The following MUC17 variants were observed in gnomAD, a reference collection of about 807,000 sequenced individuals.
The protein encoded by MUC17 is mucin 17, cell surface associated.
In MUC17, 190 loss-of-function variants were observed where a neutral mutation model predicts 170.3. The observed-to-expected ratio is 1.12, with a 90% CI of 0.99 to 1.26. The LOEUF is 1.26. Ranked by LOEUF, MUC17 falls within the 50% of genes most tolerant of loss-of-function variation. The pLI is 0.00. For synonymous variants in MUC17, 2,325 were observed against 2,002.5 expected (o/e 1.16, Z -4.30); for missense variants, 6,415 against 5,530.0 (o/e 1.16, Z -5.08).
At chr7:101,053,491 G>A in intron 11 of MUC17, 55 bp downstream of exon 11, 1 of 1,416,786 alleles carries the variant, frequency 7.1e-7, no homozygotes, top group African/African-American at 1.4e-5. Flanking sequence ...AACAGGCTGG[G>A]TGCGGTGGGC....
chr7:101,033,792 AG>A lies in MUC17; in HGVS notation c.2378del (p.Gly793ValfsTer16). ...CCAGTTGCTCTCCTACAACCACTGA[AG>A]GTACCAGCATGCCAATCTCAACTCC... ...EASCSPTTTE[G>X]TSMPISTPSE... On this transcript the variant is annotated frameshift_variant, in exon 3 of 13. Coordinates refer to ENST00000306151, the MANE Select transcript of MUC17 (RefSeq NM_001040105.2). LOFTEE classifies it high-confidence loss of function. The A allele has an allele frequency of 6.2e-7, 1 of 1,613,862 alleles. No homozygotes were observed. Among genetic ancestry groups the A allele is most frequent in the Non-Finnish European group, 8.5e-7 (1 of 1,179,950 alleles).
chr7:101,029,421 T>C (rs903603225), intron 1 of MUC17, among the ~76,000 whole-genome samples: 1 of 152,088 alleles, frequency 6.6e-6, no homozygotes, highest in Non-Finnish European at 1.5e-5. Flanking sequence ...TGCCTTTCTC[T>C]GAAGATTCTT....
In MUC17 at chr7:101,032,009, C is replaced by G; in HGVS notation, c.593C>G (p.Pro198Arg). 1 of 1,614,196 alleles carries G rather than the reference C, an allele frequency of 6.2e-7. No individual in the cohort carries two copies. The highest frequency in any genetic ancestry group is 1.1e-5 in the South Asian group (1 of 91,088). The change falls in exon 3 of 13, where the codon CCT becomes CGT. Residue 198 changes from proline to arginine, a missense_variant. By Grantham distance (103) the Pro-to-Arg change is moderately radical. Coordinates refer to ENST00000306151, the MANE Select transcript of MUC17 (RefSeq NM_001040105.2). ...LTTSTQASSS[P>R]TTPESTTIPK... ...ACTTCTACTCAGGCAAGTTCATCTC[C>G]TACTACTCCTGAAAGCACCACCATA...
chr7:101,045,024 CCTT>C (rs1180190335), intron 3 of MUC17, among the ~76,000 whole-genome samples: 1 of 152,148 alleles, frequency 6.6e-6, no homozygotes, highest in East Asian at 1.9e-4. Context: ...TTTCACTCAG[CCTT>C]CTTCTCTCTT....
At chr7:101,053,656 C>A in intron 11 of MUC17, 1 of 427,380 alleles carries the variant, frequency 2.3e-6, no homozygotes, top group Non-Finnish European at 4.2e-6. Flanking sequence ...GGCAGGTGGA[C>A]CACTTGAGGT....
chr7:101,020,411 A>T (rs1282953203), intron 1 of MUC17, among the ~76,000 whole-genome samples, 194 bp downstream of exon 1: 7 of 152,104 alleles, frequency 4.6e-5, no homozygotes, highest in Admixed American at 4.6e-4. Context: ...GAGCCAGGGC[A>T]TTGGAGCCTC....
In MUC17 at chr7:101,031,117, C is replaced by G; in HGVS notation, c.83-3C>G. ...GATACTAACTCCCCTTTGTCTCTTT[C>G]AGACCTCAGTGTGAACAGGGCTGTG... On this transcript the variant is annotated splice_region_variant and splice_polypyrimidine_tract_variant and intron_variant, in intron 1 of 12. Coordinates refer to ENST00000306151, the MANE Select transcript of MUC17 (RefSeq NM_001040105.2). The G allele has an allele frequency of 6.2e-7, 1 of 1,608,226 alleles. No individual in the cohort carries two copies. Among genetic ancestry groups the G allele is most frequent in the South Asian group, 1.1e-5 (1 of 89,752 alleles).
Position 101,034,713 on chromosome 7 carries a change from A to C in MUC17, c.3297A>C (p.Gly1099=). The change falls in exon 3 of 13, where the codon GGA becomes GGC. Residue 1099 remains glycine (G), a synonymous_variant. Coordinates refer to ENST00000306151, the MANE Select transcript of MUC17 (RefSeq NM_001040105.2). ...TGCCAACCTCAACTTATAGTGAAGGAAGCACTCCACTAACAAGTGTGCCTG... is the reference window on the plus strand; with the variant it reads ...TGCCAACCTCAACTTATAGTGAAGGCAGCACTCCACTAACAAGTGTGCCTG... ...TSMPTSTYSE[G]STPLTSVPVS... The C allele has an allele frequency of 6.2e-7, 1 of 1,606,920 alleles. No individual in the cohort carries two copies. The highest frequency in any genetic ancestry group is 1.1e-5 in the South Asian group (1 of 90,054).
chr7:101,020,666 G>A lies in MUC17; in HGVS notation c.82+449G>A, dbSNP rs187709671. 7.6e-4 allele frequency among the ~76,000 whole-genome samples: 115 copies of A among 152,150 alleles called. 1 individual carries two copies. Among genetic ancestry groups the A allele is most frequent in the Admixed American group, 1.4e-3 (22 of 15,278 alleles). On this transcript the variant is annotated intron_variant, in intron 1 of 12. Coordinates refer to ENST00000306151, the MANE Select transcript of MUC17 (RefSeq NM_001040105.2). ...CAGCACACCCTGCTGTGTGCCCCAG[G>A]AATGTTTCCGGGACATAGCCACATG... is the stretch of plus-strand genomic sequence containing the variant.
At chr7:101,044,109 T>A (rs1391967443) in intron 3 of MUC17, among the ~76,000 whole-genome samples, 1 of 152,200 alleles carries the variant, frequency 6.6e-6, no homozygotes, top group African/African-American at 2.4e-5. Context: ...TCTGTCCTTG[T>A]GATAGTTTGC....
chr7:101,035,221 C>T lies in MUC17; in HGVS notation c.3805C>T (p.Pro1269Ser). 1 of 1,609,688 alleles carries T rather than the reference C, an allele frequency of 6.2e-7. No individual in the cohort carries two copies. The highest frequency in any genetic ancestry group is 8.5e-7 in the Non-Finnish European group (1 of 1,177,110). Residue 1269 changes from proline to serine, a missense_variant, in exon 3 of 13, where the codon CCA (proline) becomes TCA (serine). Physicochemically the swap from Pro to Ser is moderately conservative, Grantham distance 74. Transcript: ENST00000306151. ...SPTTAEGTSL[P>S]TSTTSEGSTL... Reference sequence around the variant, plus strand: ...TACAACCGCTGAAGGTACCAGCTTGCCAACCTCAACTACTAGTGAAGGAAG... The same window carrying T: ...TACAACCGCTGAAGGTACCAGCTTGTCAACCTCAACTACTAGTGAAGGAAG...
At position 101,034,838 on chromosome 7, in the gene MUC17, C is replaced by G. The variant is rs756944040; in HGVS notation, c.3422C>G (p.Ser1141Cys). Residue 1141 changes from serine (S) to cysteine (C), a missense_variant, in exon 3 of 13, where the codon TCT becomes TGT. By Grantham distance (112) the Ser-to-Cys change is moderately radical (BLOSUM62 -1). Coordinates refer to ENST00000306151, the MANE Select transcript of MUC17 (RefSeq NM_001040105.2). The stretch of plus-strand genomic sequence containing the variant: ...ACCACTTCTACTGAAGCCAGTTCAT[C>G]TCCTACAACTGCTGAAGGTACCAGC... ...PVTTSTEASS[S>C]PTTAEGTSIP... 1.2e-6 allele frequency: 2 copies of G among 1,610,128 alleles called. No individual in the cohort carries two copies. Among genetic ancestry groups the G allele is most frequent in the Non-Finnish European group, 1.7e-6 (2 of 1,177,720 alleles).
intron 1 of MUC17, among the ~76,000 whole-genome samples, chr7:101,026,991 C>T (rs1384263673): frequency 6.6e-6 from 1 of 152,104 alleles, no homozygotes. Context: ...GCTGGGATTA[C>T]AGGTGTGAGC....
In MUC17 at chr7:101,034,988, T is replaced by A. The variant is rs1233603906; in HGVS notation, c.3572T>A (p.Val1191Glu). Residue 1191 changes from valine (V) to glutamate (E), a missense_variant, in exon 3 of 13, where the codon GTG (valine) becomes GAG (glutamate). Val to Glu is a moderately radical substitution (Grantham distance 121). Transcript: ENST00000306151. ...STTPVDSKTQ[V>E]ATSTEASSPP... ...ACTCCTGTGGACTCCAAAACTCAGG[T>A]GGCCACTTCTACTGAAGCCAGTTCA... 6.2e-7 allele frequency: 1 copy of A among 1,613,698 alleles called. No individual in the cohort carries two copies. The highest frequency in any genetic ancestry group is 2.2e-5 in the East Asian group (1 of 44,824).
At position 101,035,416 on chromosome 7, in the gene MUC17, G is replaced by A. The variant is rs750440406; in HGVS notation, c.4000G>A (p.Glu1334Lys). 4.4e-6 allele frequency: 7 copies of A among 1,606,696 alleles called. No homozygotes were observed. In the African/African-American group the frequency reaches 6.7e-5, roughly 15 times the overall value. Reference protein sequence around the residue: ...GTSMPTSTYSEGRTPLTSIPV... With the variant: ...GTSMPTSTYSKGRTPLTSIPV... ...CAGCATGCCAACCTCAACTTATAGT[G>A]AAGGAAGAACTCCTTTAACAAGTAT... Residue 1334 changes from glutamate to lysine, a missense_variant, in exon 3 of 13, where the codon GAA becomes AAA. Physicochemically the swap from Glu to Lys is moderately conservative, Grantham distance 56 (BLOSUM62 1). Transcript: ENST00000306151.
chr7:101,028,445 A>G lies in MUC17; in HGVS notation c.83-2675A>G, dbSNP rs554026409. ...GTTTCTATTGCCATCCCTTCACATC[A>G]TTATTTATTTTCTTCTTCAATGTCT... On this transcript the variant is annotated intron_variant, in intron 1 of 12. Coordinates refer to ENST00000306151, the MANE Select transcript of MUC17 (RefSeq NM_001040105.2). Among the ~76,000 whole-genome samples, 15 of 151,864 alleles carry G rather than the reference A, an allele frequency of 9.9e-5. No homozygotes were observed. In the South Asian group the frequency reaches 2.5e-3, roughly 25 times the overall value.
rs1241253639 is a variant in MUC17 at position 101,032,823 on chromosome 7, T to C, written c.1407T>C (p.Ala469=). The change falls in exon 3 of 13, where the codon GCT becomes GCC. Residue 469 remains alanine (A), a synonymous_variant. Coordinates refer to ENST00000306151, the MANE Select transcript of MUC17 (RefSeq NM_001040105.2). ...VSTTPVASSE[A]SNLSTTPVDS... ...CCACTCCAGTGGCCAGTTCTGAGGC[T>C]AGCAACCTTTCAACAACTCCTGTTG... 6.2e-7 allele frequency: 1 copy of C among 1,613,734 alleles called. No homozygotes were observed. Among genetic ancestry groups the C allele is most frequent in the Non-Finnish European group, 8.5e-7 (1 of 1,179,970 alleles).
intron 3 of MUC17, among the ~76,000 whole-genome samples, chr7:101,047,513 G>C (rs1054600479): frequency 6.6e-5 from 10 of 152,112 alleles, no homozygotes; most frequent in African/African-American, 1.9e-4. Flanking sequence ...TGCACCCCTG[G>C]GGTCTCATGA....
At position 101,039,548 on chromosome 7, in the gene MUC17, C is replaced by A. The variant is rs374218964; in HGVS notation, c.8132C>A (p.Thr2711Asn). 2.5e-6 allele frequency: 4 copies of A among 1,612,346 alleles called. No homozygotes were observed. Among genetic ancestry groups the A allele is most frequent in the Non-Finnish European group, 2.5e-6 (3 of 1,179,072 alleles). Reference sequence around the variant, plus strand: ...CTGTTGGCCAATTCTGAGGCTAGCACCCTTTCAACAACTCCTGTTGACACC... The same window carrying A: ...CTGTTGGCCAATTCTGAGGCTAGCAACCTTTCAACAACTCCTGTTGACACC... The part of the protein sequence containing the change: ...TTLLANSEAS[T>N]LSTTPVDTST... The change falls in exon 3 of 13, where the codon ACC becomes AAC. Residue 2711 changes from threonine to asparagine, a missense_variant. By Grantham distance (65) the Thr-to-Asn change is moderately conservative (BLOSUM62 0). Coordinates refer to ENST00000306151, the MANE Select transcript of MUC17 (RefSeq NM_001040105.2).
Sources: gnomAD v4.1 joint callset for allele counts (sites outside exome capture counted in the v4.1 genomes callset) on GRCh38, gnomAD v4.1.1 for gene constraint, MANE v1.5 for transcripts, NCBI Gene and HGNC (gene_info 2026-07-23, HGNC 2026-07-21) for gene names.